The following SLC30A9 variants were observed in gnomAD, a reference collection of about 807,000 sequenced individuals.
SLC30A9 encodes proton-coupled zinc antiporter SLC30A9, mitochondrial.
In SLC30A9, 58 loss-of-function variants were observed where a neutral mutation model predicts 87.5. The observed-to-expected ratio is 0.66, with a 90% CI of 0.54 to 0.82. The LOEUF (loss-of-function observed/expected upper bound fraction) is 0.82. SLC30A9 is among the 40% of genes least tolerant of loss of function. SLC30A9 has a pLI of 0.00. For missense variants in SLC30A9, 557 were observed against 679.1 expected (o/e 0.82, Z 2.00); for synonymous variants, 234 against 233.0 (o/e 1.00, Z -0.04).
chr4:42,035,458 C>A, intron 7 of SLC30A9, 125 bp downstream of exon 7: 2 of 1,013,830 alleles, frequency 2.0e-6, no homozygotes, highest in Non-Finnish European at 2.8e-6. Flanking sequence ...CATTGTAGTT[C>A]ACTGAATTAT....
At chr4:42,010,948 G>A (rs1356221583) in intron 2 of SLC30A9, among the ~76,000 whole-genome samples, 1 of 152,144 alleles carries the variant, frequency 6.6e-6, no homozygotes, top group Non-Finnish European at 1.5e-5. Context: ...AGGTACTGGA[G>A]TCAGACTCAC....
chr4:42,045,108 C>T (rs1050569850), intron 8 of SLC30A9, among the ~76,000 whole-genome samples: 3 of 151,940 alleles, frequency 2.0e-5, no homozygotes, highest in Non-Finnish European at 4.4e-5. Flanking sequence ...AGGAGAAAGT[C>T]GGAAAGATCT....
intron 6 of SLC30A9, among the ~76,000 whole-genome samples, chr4:42,027,478 A>G (rs1404961556): frequency 7.9e-6 from 1 of 126,310 alleles, no homozygotes; most frequent in East Asian, 2.6e-4. Flanking sequence ...TTTTTTTTTT[A>G]GTATGAGTGC....
chr4:42,086,234 G>A lies in SLC30A9; in HGVS notation c.*108G>A, dbSNP rs1718921333. 2 of 583,292 alleles carry A rather than the reference G, an allele frequency of 3.4e-6. No individual in the cohort carries two copies. The highest frequency in any genetic ancestry group is 3.6e-5 in the South Asian group (1 of 27,816). The allele number at this position is 583,292 out of a possible 1,614,324, so 36.1% of individuals were successfully genotyped here. ...CTGAAAGACTCAGTGCCATGCAGAA[G>A]CCTTTTTTTTAAGATGAAGGAAATA... On this transcript the variant is annotated 3_prime_UTR_variant, in exon 18 of 18. Coordinates refer to ENST00000264451, the MANE Select transcript of SLC30A9 (RefSeq NM_006345.4).
intron 15 of SLC30A9, among the ~76,000 whole-genome samples, chr4:42,072,715 G>T (rs1013499271): frequency 6.6e-6 from 1 of 151,784 alleles, no homozygotes; most frequent in Non-Finnish European, 1.5e-5. Context: ...TGTATATTCT[G>T]CTGTTGTTGT....
chr4:42,027,276 G>T (rs910417599), intron 6 of SLC30A9, among the ~76,000 whole-genome samples: 1 of 152,120 alleles, frequency 6.6e-6, no homozygotes, highest in African/African-American at 2.4e-5. Flanking sequence ...AATTTTATTG[G>T]GACGTAGCCA....
intron 14 of SLC30A9, among the ~76,000 whole-genome samples, chr4:42,069,712 T>C (rs1335321166): frequency 6.6e-6 from 1 of 152,236 alleles, no homozygotes; most frequent in Non-Finnish European, 1.5e-5. Context: ...TTTATTGGTG[T>C]CTATTATATA....
chr4:42,030,981 G>A (rs1716411103), intron 6 of SLC30A9, among the ~76,000 whole-genome samples: 1 of 152,066 alleles, frequency 6.6e-6, no homozygotes, highest in African/African-American at 2.4e-5. Context: ...CTTTATGAGT[G>A]TTTTAACCAT....
intron 2 of SLC30A9, among the ~76,000 whole-genome samples, chr4:42,017,602 A>T (rs183332865): frequency 6.6e-6 from 1 of 152,186 alleles, no homozygotes; most frequent in Admixed American, 6.5e-5. Context: ...GTAGATTCAA[A>T]TTTTTTAAAT....
At chr4:42,040,403 C>A (rs1434188664) in intron 8 of SLC30A9, among the ~76,000 whole-genome samples, 2 of 151,992 alleles carry the variant, frequency 1.3e-5, no homozygotes, top group Non-Finnish European at 2.9e-5. Flanking sequence ...GGAGAGAAAT[C>A]TGAGTTAGAG....
chr4:42,047,234 T>C (rs914801539), intron 8 of SLC30A9, among the ~76,000 whole-genome samples: 1 of 152,174 alleles, frequency 6.6e-6, no homozygotes, highest in Non-Finnish European at 1.5e-5. Flanking sequence ...ACAAATGGGA[T>C]CTAATTAAGC....
Position 42,070,816 on chromosome 4 carries a change from A to C in SLC30A9, c.1418+125A>C, listed in dbSNP as rs1231402222. 5 of 628,362 alleles carry C rather than the reference A, an allele frequency of 8.0e-6. No individual in the cohort carries two copies. In the East Asian group the frequency reaches 1.4e-4, roughly 18 times the overall value. The allele number at this position is 628,362 out of a possible 1,614,324, so 38.9% of individuals were successfully genotyped here. A position where few individuals can be genotyped will look rare whatever the true frequency, so the allele number is the denominator to read the frequency against. ...TCGTCTTCAGAACGTTTTAGTCTGT[A>C]ACTTTTCAGAATTATAATCCTGGAA... On this transcript the variant is annotated intron_variant, in intron 15 of 17. Transcript: ENST00000264451.
chr4:42,042,164 G>A (rs887305053), intron 8 of SLC30A9, among the ~76,000 whole-genome samples: 1 of 152,076 alleles, frequency 6.6e-6, no homozygotes, highest in African/African-American at 2.4e-5. Context: ...AGCTAGACTA[G>A]TTTTTTTTCA....
chr4:42,047,805 A>G (rs1220460595), intron 8 of SLC30A9, among the ~76,000 whole-genome samples: 1 of 152,136 alleles, frequency 6.6e-6, no homozygotes, highest in Non-Finnish European at 1.5e-5. Flanking sequence ...CACTATTCAT[A>G]TTAGCAGACT....
At chr4:42,016,279 T>G (rs1015049054) in intron 2 of SLC30A9, among the ~76,000 whole-genome samples, 1 of 152,184 alleles carries the variant, frequency 6.6e-6, no homozygotes, top group African/African-American at 2.4e-5. Flanking sequence ...GGAAAATGTT[T>G]TAAGGGTGAG....
chr4:41,997,360 T>C (rs905326721), intron 1 of SLC30A9, among the ~76,000 whole-genome samples: 25 of 151,930 alleles, frequency 1.6e-4, no homozygotes, highest in African/African-American at 6.0e-4. Flanking sequence ...TGGTAGACTA[T>C]ATTACAAATT....
intron 2 of SLC30A9, among the ~76,000 whole-genome samples, chr4:42,009,980 A>T (rs866770712): frequency 1.3e-5 from 2 of 152,234 alleles, no homozygotes; most frequent in African/African-American, 4.8e-5. Context: ...ATAGATAAAG[A>T]TACTTTAGAA....
chr4:42,058,318 T>A (rs1717708294), intron 9 of SLC30A9, among the ~76,000 whole-genome samples: 3 of 152,106 alleles, frequency 2.0e-5, no homozygotes, highest in Admixed American at 2.0e-4. Context: ...AGTTCCTCAT[T>A]TCCATCTGAG....
At position 42,088,923 on chromosome 4, in the gene SLC30A9, G is replaced by T. The variant is rs1350563969; in HGVS notation, c.*2797G>T. On this transcript the variant is annotated 3_prime_UTR_variant, in exon 18 of 18. Coordinates refer to ENST00000264451, the MANE Select transcript of SLC30A9 (RefSeq NM_006345.4). ...ATGCCACTCCAGCCTGAATGACAGA[G>T]TGAGATCCTGTCTCAAAAAGAGAAT... is the stretch of plus-strand genomic sequence containing the variant. The T allele has an allele frequency of 6.6e-6, 1 of 152,176 alleles. No individual in the cohort carries two copies. Among genetic ancestry groups the T allele is most frequent in the African/African-American group, 2.4e-5 (1 of 41,448 alleles). The allele number at this position is 152,176 out of a possible 1,614,324, so 9.4% of individuals were successfully genotyped here. A position where few individuals can be genotyped will look rare whatever the true frequency, so the allele number is the denominator to read the frequency against.
Sources: gnomAD v4.1 joint callset for allele counts (sites outside exome capture counted in the v4.1 genomes callset) on GRCh38, gnomAD v4.1.1 for gene constraint, MANE v1.5 for transcripts, NCBI Gene and HGNC (gene_info 2026-07-23, HGNC 2026-07-21) for gene names.